FBXO38: variants seen among roughly 807,000 people sequenced by gnomAD.
FBXO38 encodes F-box only protein 38.
In FBXO38, 53 loss-of-function variants were observed where a neutral mutation model predicts 131.9. That is an observed-to-expected ratio of 0.40 (90% CI 0.32 to 0.51). FBXO38 has a LOEUF of 0.51. Among genes scored for constraint, FBXO38 ranks in the 20% least tolerant of loss-of-function variants. The pLI is 0.53. For synonymous variants in FBXO38, 452 were observed against 505.6 expected, an observed-to-expected ratio of 0.89 and a Z score of 1.42; for missense variants, 1,076 against 1,475.6, an observed-to-expected ratio of 0.73 and a Z score of 4.44.
intron 7 of FBXO38, among the ~76,000 whole-genome samples, chr5:148,408,854 C>T (rs1752582140): frequency 1.3e-5 from 2 of 152,118 alleles, no homozygotes; most frequent in Admixed American, 6.5e-5. Context: ...TTCTGACTTT[C>T]TAAAAATCCT....
intron 15 of FBXO38, among the ~76,000 whole-genome samples, chr5:148,433,078 A>G (rs1561543966): frequency 6.6e-6 from 1 of 152,226 alleles, no homozygotes; most frequent in African/African-American, 2.4e-5. Flanking sequence ...AGCTGCAGTC[A>G]ATAATTTAAA....
At chr5:148,431,470 ATAAAT>A (rs1284310898) in intron 15 of FBXO38, among the ~76,000 whole-genome samples, 1 of 152,218 alleles carries the variant, frequency 6.6e-6, no homozygotes, top group East Asian at 1.9e-4. Context: ...CCATGCTCTG[ATAAAT>A]TAAAGGGGAA....
chr5:148,385,609 C>G (rs1406370420), intron 1 of FBXO38, among the ~76,000 whole-genome samples: 1 of 152,060 alleles, frequency 6.6e-6, no homozygotes, highest in Non-Finnish European at 1.5e-5. Context: ...CACCATCATC[C>G]TGTTGGGGGG....
At chr5:148,408,533 T>G (rs1174507592) in intron 7 of FBXO38, among the ~76,000 whole-genome samples, 1 of 152,208 alleles carries the variant, frequency 6.6e-6, no homozygotes, top group African/African-American at 2.4e-5. Flanking sequence ...TACTGTACAG[T>G]AATAAGTGAA....
rs111661850 is a variant in FBXO38, at chr5:148,416,969, C to T, written c.1408-25C>T. On this transcript the variant is annotated intron_variant, in intron 11 of 21. Coordinates refer to ENST00000340253, the MANE Select transcript of FBXO38 (RefSeq NM_205836.3). ...ATATATACTAACCCAAATTAATAAA[C>T]GTATGTGTTTTGGTTTTGCCTTAGG... 2,704 of 1,504,822 alleles carry T rather than the reference C, an allele frequency of 1.8e-3. 45 individuals are homozygous for T. The African/African-American group carries it at 0.033, about 19-fold the overall frequency. 93.2% of individuals were successfully genotyped at this position (1,504,822 alleles called of 1,614,324 possible). A position where few individuals can be genotyped will look rare whatever the true frequency, so the allele number is the denominator to read the frequency against.
At chr5:148,386,686 A>G (rs79196654) in intron 1 of FBXO38, among the ~76,000 whole-genome samples, 9,970 of 152,118 alleles carry the variant, frequency 0.066, 1,093 homozygotes, top group African/African-American at 0.22. Flanking sequence ...CTGGTACCGC[A>G]AAGTATAGTC....
Position 148,425,673 on chromosome 5 carries a change from A to C in FBXO38, c.1890A>C (p.Gly630=). Residue 630 remains glycine (G), a synonymous_variant, in exon 14 of 22, where the codon GGA becomes GGC. Transcript: ENST00000340253. The part of the protein sequence containing the change: ...RRYSEREEKT[G]ESVQSRELSV... ...ACTCTGAACGTGAAGAAAAAACTGG[A>C]GAGTCAGTGCAGTCCAGAGAATTGT... The C allele has an allele frequency of 6.2e-7, 1 of 1,614,064 alleles. No individual in the cohort carries two copies. Among genetic ancestry groups the C allele is most frequent in the Non-Finnish European group, 8.5e-7 (1 of 1,179,930 alleles).
intron 2 of FBXO38, among the ~76,000 whole-genome samples, chr5:148,396,441 A>G (rs1304681806): frequency 1.3e-5 from 2 of 152,208 alleles, no homozygotes; most frequent in East Asian, 1.9e-4. Context: ...CTATTCAGCA[A>G]TGATGTCTCA....
At chr5:148,396,737 T>C (rs1442912142) in intron 2 of FBXO38, among the ~76,000 whole-genome samples, 2 of 152,098 alleles carry the variant, frequency 1.3e-5, no homozygotes, top group Non-Finnish European at 2.9e-5. Context: ...AAGCAATCCT[T>C]TTGCCTTAGG....
chr5:148,401,959 C>G (rs1752183699), intron 3 of FBXO38, 23 bp from the exon 4 acceptor site: 1 of 1,565,962 alleles, frequency 6.4e-7, no homozygotes, highest in Admixed American at 1.8e-5. Context: ...GAACCTGGCT[C>G]TAAATACTTC....
intron 5 of FBXO38, among the ~76,000 whole-genome samples, chr5:148,403,568 T>C (rs1752282125): frequency 6.6e-6 from 1 of 152,170 alleles, no homozygotes; most frequent in Admixed American, 6.6e-5. Flanking sequence ...TCTCAATCTG[T>C]ACCTCACTTC....
At chr5:148,409,082 A>C (rs368799795) in intron 7 of FBXO38, 42 bp from the exon 8 acceptor site, 2 of 1,128,124 alleles carry the variant, frequency 1.8e-6, no homozygotes, top group Non-Finnish European at 2.7e-6. Context: ...ACTTCACTAA[A>C]AATGCTATGG....
intron 6 of FBXO38, 40 bp downstream of exon 6, chr5:148,404,862 T>C (rs1291858663): frequency 1.9e-6 from 3 of 1,547,422 alleles, no homozygotes; most frequent in Non-Finnish European, 2.6e-6. Context: ...ACATAAGTTA[T>C]TCTAAAAATA....
chr5:148,420,883 C>T (rs191508026), intron 12 of FBXO38, among the ~76,000 whole-genome samples: 4 of 151,892 alleles, frequency 2.6e-5, no homozygotes, highest in Admixed American at 6.6e-5. Context: ...GTCTCAACTC[C>T]TGGGCTCAAG....
intron 1 of FBXO38, among the ~76,000 whole-genome samples, chr5:148,385,865 T>A (rs1384630104): frequency 6.6e-6 from 1 of 152,040 alleles, no homozygotes; most frequent in African/African-American, 2.4e-5. Context: ...CTTGACCAGA[T>A]AGGATCATTG....
chr5:148,430,149 A>ATTT (rs11393577), intron 15 of FBXO38: 2 of 129,434 alleles, frequency 1.5e-5, no homozygotes, highest in African/African-American at 6.9e-5. Flanking sequence ...TATAATTATT[A>ATTT]TTATTATTAT....
chr5:148,402,544 C>T (rs1561520133), intron 5 of FBXO38, 31 bp downstream of exon 5: 2 of 1,503,780 alleles, frequency 1.3e-6, no homozygotes, highest in Non-Finnish European at 1.8e-6. Context: ...TCACTTGTAA[C>T]TCCTTGAAAT....
At chr5:148,405,126 G>A (rs993807055) in intron 6 of FBXO38, among the ~76,000 whole-genome samples, 6 of 151,614 alleles carry the variant, frequency 4.0e-5, no homozygotes, top group African/African-American at 1.5e-4. Context: ...TCTGGTCTCC[G>A]AATCATTCTG....
At chr5:148,415,506 C>T (rs1378918489) in intron 10 of FBXO38, 1 of 182,280 alleles carries the variant, frequency 5.5e-6, no homozygotes, top group African/African-American at 2.4e-5. Flanking sequence ...ACTCTGTATA[C>T]ACTGTCCTGT....
Sources: gnomAD v4.1 joint callset for allele counts (sites outside exome capture counted in the v4.1 genomes callset) on GRCh38, gnomAD v4.1.1 for gene constraint, MANE v1.5 for transcripts, NCBI Gene and HGNC (gene_info 2026-07-23, HGNC 2026-07-21) for gene names.